Variants in ZNF331 observed in about 807,000 individuals in gnomAD.
ZNF331 encodes the protein C2H2-like zinc finger protein rearranged in thyroid adenomas.
ZNF331 carries 2 observed loss-of-function variants against 7.0 expected under a neutral mutation model. That is an observed-to-expected ratio of 0.29 (90% CI 0.12 to 0.90). The LOEUF is 0.90. ZNF331 is among the 40% of genes least tolerant of loss of function. The probability of loss-of-function intolerance (pLI) is 0.58; values close to 1 mark genes in which losing one functional copy is unlikely to be tolerated. For missense variants in ZNF331, 432 were observed against 587.7 expected (o/e 0.74, Z 2.74); for synonymous variants, 196 against 205.4 (o/e 0.95, Z 0.39).
chr19:53,564,289 A>T lies in ZNF331; in HGVS notation c.-73-5015A>T, dbSNP rs575312913. The stretch of plus-strand genomic sequence containing the variant: ...GTACCTTTTTATTTTATTTTATTTT[A>T]TTTTTTTTGAGATGGAGTCTTCCCC... On this transcript the variant is annotated intron_variant, in intron 3 of 5. Transcript: ENST00000449416. 6.7e-4 allele frequency among the ~76,000 whole-genome samples: 101 copies of T among 150,626 alleles called. 1 individual carries two copies. The Middle Eastern group carries it at 0.014, about 20-fold the overall frequency.
At position 53,579,722 on chromosome 19, in the gene ZNF331, TAC is replaced by T. The variant is rs1315319003; in HGVS notation, c.*1774_*1775del. 5.1e-6 allele frequency: 1 copy of T among 197,884 alleles called. No homozygotes were observed. The highest frequency in any genetic ancestry group is 1.0e-5 in the Non-Finnish European group (1 of 95,688). The allele number at this position is 197,884 out of a possible 1,614,324, so 12.3% of individuals were successfully genotyped here. A position where few individuals can be genotyped will look rare whatever the true frequency, so the allele number is the denominator to read the frequency against. On this transcript the variant is annotated 3_prime_UTR_variant, in exon 6 of 6. Coordinates refer to ENST00000449416, the MANE Select transcript of ZNF331 (RefSeq NM_001079906.2). ...CGTGGGTTACGCAATGATTTCTTAG[TAC>T]ACAAAACACAGCAAACATAAAAAGT...
chr19:53,527,503 G>A (rs1213278706), intron 2 of ZNF331, among the ~76,000 whole-genome samples: 1 of 152,176 alleles, frequency 6.6e-6, no homozygotes, highest in African/African-American at 2.4e-5. Flanking sequence ...ATTAGAAGTA[G>A]ATGAGGGGTG....
intron 2 of ZNF331, among the ~76,000 whole-genome samples, chr19:53,540,963 A>G (rs1158571124): frequency 6.6e-6 from 1 of 152,076 alleles, no homozygotes. Context: ...AATCTTCCCT[A>G]TTTTAGTGTC....
At chr19:53,506,712 C>G in the ZNF331 span, among the ~76,000 whole-genome samples, 30 of 152,240 alleles carry the variant, frequency 2.0e-4, no homozygotes, top group South Asian at 5.8e-3. Context: ...GAAAGAGGGT[C>G]TTTTGTGCTA....
the ZNF331 span, among the ~76,000 whole-genome samples, chr19:53,504,665 T>A: frequency 6.6e-6 from 1 of 152,246 alleles, no homozygotes; most frequent in Non-Finnish European, 1.5e-5. Flanking sequence ...TAGTAAAATA[T>A]ATATTTTCTC....
In ZNF331 at chr19:53,573,383, C is replaced by G. The variant is rs921049561; in HGVS notation, c.136+1653C>G. On this transcript the variant is annotated intron_variant, in intron 5 of 5. Coordinates refer to ENST00000449416, the MANE Select transcript of ZNF331 (RefSeq NM_001079906.2). The surrounding 1 kb of genome is among the most constrained non-coding windows in gnomAD (Gnocchi z 4.2). Reference sequence around the variant, plus strand: ...TACAAAAATTTGCCGGGTGTGGTGGCGCATGCCTGTAATTCCAGCTACTTG... The same window carrying G: ...TACAAAAATTTGCCGGGTGTGGTGGGGCATGCCTGTAATTCCAGCTACTTG... Among the ~76,000 whole-genome samples the G allele has an allele frequency of 6.6e-6, 1 of 152,052 alleles. No individual in the cohort carries two copies. Among genetic ancestry groups the G allele is most frequent in the African/African-American group, 2.4e-5 (1 of 41,398 alleles).
chr19:53,534,257 C>T (rs1365951128), upstream of ZNF331, among the ~76,000 whole-genome samples: 2 of 151,898 alleles, frequency 1.3e-5, no homozygotes, highest in South Asian at 2.1e-4. Flanking sequence ...TTCCCAGCTT[C>T]TAGAGGCTGC....
At chr19:53,536,848 A>C (rs1292021014), upstream of ZNF331, among the ~76,000 whole-genome samples, 1 of 152,230 alleles carries the variant, frequency 6.6e-6, no homozygotes, top group Non-Finnish European at 1.5e-5. Flanking sequence ...GGTTGCAGTG[A>C]GCCGAGATCG....
intron 3 of ZNF331, among the ~76,000 whole-genome samples, chr19:53,556,383 G>C (rs571998832): frequency 6.6e-6 from 1 of 152,036 alleles, no homozygotes; most frequent in African/African-American, 2.4e-5. Context: ...GTACTAAACT[G>C]TCTCTTGTCT....
intron 2 of ZNF331, among the ~76,000 whole-genome samples, chr19:53,540,217 C>G (rs8110501): frequency 6.6e-6 from 1 of 152,004 alleles, no homozygotes; most frequent in African/African-American, 2.4e-5. Context: ...TACCATAGAC[C>G]GGTGGCTGAA....
At chr19:53,572,884 C>T (rs1010439446) in intron 5 of ZNF331, among the ~76,000 whole-genome samples, 1 of 152,062 alleles carries the variant, frequency 6.6e-6, no homozygotes, top group African/African-American at 2.4e-5. Flanking sequence ...CCACCATGTT[C>T]CACTTGCCTC....
At chr19:53,568,051 C>T (rs1019582328) in intron 3 of ZNF331, among the ~76,000 whole-genome samples, 3 of 151,986 alleles carry the variant, frequency 2.0e-5, no homozygotes, top group Admixed American at 1.3e-4. Context: ...GAGTTTGAGA[C>T]CAGCCTGGCC....
intron 4 of ZNF331, among the ~76,000 whole-genome samples, chr19:53,570,232 G>A (rs1050181762): frequency 2.1e-5 from 3 of 143,612 alleles, no homozygotes; most frequent in Non-Finnish European, 3.0e-5. Context: ...CTCCAGCCTG[G>A]GCAACAGAGC....
chr19:53,575,542 C>T (rs1164972441), intron 5 of ZNF331, among the ~76,000 whole-genome samples: 2 of 107,878 alleles, frequency 1.9e-5, no homozygotes, highest in African/African-American at 7.2e-5. Context: ...CTTATTCAGT[C>T]GGCTCACTGC....
rs10420606 is a variant in ZNF331 at position 53,539,929 on chromosome 19, G to C, written c.-138+647G>C. On this transcript the variant is annotated intron_variant, in intron 2 of 5. Transcript: ENST00000449416. The surrounding 1 kb of genome is among the most constrained non-coding windows in gnomAD (Gnocchi z 6.1). ...CAAAGAAGTAAGTTTAGTTATAACC[G>C]TAAGAAAGAAAAATGCACCTGACAT... Among the ~76,000 whole-genome samples the C allele has an allele frequency of 6.6e-6, 1 of 151,950 alleles. No homozygotes were observed. The highest frequency in any genetic ancestry group is 6.6e-5 in the Admixed American group (1 of 15,248).
chr19:53,554,259 G>A (rs138859932), intron 2 of ZNF331, among the ~76,000 whole-genome samples: 337 of 152,346 alleles, frequency 2.2e-3, no homozygotes, highest in Non-Finnish European at 3.5e-3. Flanking sequence ...GCGTGTCAGT[G>A]TGTGCATGTG....
the ZNF331 span, among the ~76,000 whole-genome samples, chr19:53,509,722 G>A: frequency 1.3e-5 from 2 of 152,292 alleles, no homozygotes; most frequent in South Asian, 2.1e-4. Context: ...CAGAGCCTGG[G>A]AAAGCTCTGA....
At chr19:53,534,322 C>G (rs1037889091), upstream of ZNF331, among the ~76,000 whole-genome samples, 1 of 151,876 alleles carries the variant, frequency 6.6e-6, no homozygotes, top group East Asian at 1.9e-4. Context: ...GAGTCTCACT[C>G]TGTTGCCTGG....
the ZNF331 span, among the ~76,000 whole-genome samples, chr19:53,509,816 C>T: frequency 6.6e-6 from 1 of 152,174 alleles, no homozygotes; most frequent in Non-Finnish European, 1.5e-5. Flanking sequence ...GTAATTTATA[C>T]AGAAAAGAGA....
Sources: gnomAD v4.1 joint callset for allele counts (sites outside exome capture counted in the v4.1 genomes callset) on GRCh38, gnomAD v4.1.1 for gene constraint, Gnocchi (gnomAD v3.1) non-coding constraint, MANE v1.5 for transcripts, NCBI Gene and HGNC (gene_info 2026-07-23, HGNC 2026-07-21) for gene names.